The following CCDC7 variants were observed in gnomAD, a reference collection of about 807,000 sequenced individuals.
The protein encoded by CCDC7 is coiled-coil domain containing 7.
In CCDC7, 183 loss-of-function variants were observed where a neutral mutation model predicts 196.9. The observed-to-expected ratio is 0.93, with a 90% CI of 0.82 to 1.05. The LOEUF (loss-of-function observed/expected upper bound fraction) is 1.05. Ranked by LOEUF, CCDC7 falls within the 50% of genes least tolerant of loss-of-function variation. The pLI is 0.00. For synonymous variants in CCDC7, 525 were observed against 484.6 expected, an observed-to-expected ratio of 1.08 and a Z score of -1.10; for missense variants, 1,540 against 1,482.2, an observed-to-expected ratio of 1.04 and a Z score of -0.64.
chr10:32,621,878 G>T (rs1984071), intron 18 of CCDC7, among the ~76,000 whole-genome samples: 16,004 of 152,196 alleles, frequency 0.11, 1,042 homozygotes, highest in South Asian at 0.25. Context: ...TACTGATTCA[G>T]ATGCTTATAT....
At chr10:32,483,372 T>A (rs1453417622) in intron 8 of CCDC7, among the ~76,000 whole-genome samples, 3 of 152,168 alleles carry the variant, frequency 2.0e-5, no homozygotes, top group Non-Finnish European at 4.4e-5. Context: ...TTTGTTTGAG[T>A]TCATTGTAGA....
At position 32,478,269 on chromosome 10, in the gene CCDC7, AACAG is replaced by A. The variant is rs755159423; in HGVS notation, c.796+4251_796+4254del. Among the ~76,000 whole-genome samples, 3 of 152,300 alleles carry A rather than the reference AACAG, an allele frequency of 2.0e-5. No homozygotes were observed. In the East Asian group the frequency reaches 5.8e-4, roughly 29 times the overall value. On this transcript the variant is annotated intron_variant, in intron 8 of 41. Coordinates refer to ENST00000639629, the Ensembl canonical transcript of CCDC7. Reference sequence around the variant, plus strand: ...TTCTATAGAGACAGTCACATTATCTAACAGACAGTGTTACTTCTTCCTTCTGATT... The same window carrying A: ...TTCTATAGAGACAGTCACATTATCTAACAGTGTTACTTCTTCCTTCTGATT...
At chr10:32,845,196 T>C in intron 33 of CCDC7, 47 bp from the exon 35 acceptor site, 1 of 1,193,046 alleles carries the variant, frequency 8.4e-7, no homozygotes, top group Non-Finnish European at 1.2e-6. Context: ...TCAGATTTGG[T>C]AATGTTTACC....
intron 28 of CCDC7, among the ~76,000 whole-genome samples, chr10:32,739,487 C>T (rs1397636489): frequency 1.3e-5 from 2 of 151,814 alleles, no homozygotes; most frequent in African/African-American, 2.4e-5. Context: ...CTTAGTTTTT[C>T]TAGCTTCCTG....
At chr10:32,451,576 T>C, upstream of CCDC7, 1 of 1,515,586 alleles carries the variant, frequency 6.6e-7, no homozygotes, top group Non-Finnish European at 8.8e-7. Flanking sequence ...TCTGAATCTC[T>C]TATTTTTTTT....
chr10:32,594,764 T>G (rs985973552), intron 18 of CCDC7, among the ~76,000 whole-genome samples: 8 of 152,322 alleles, frequency 5.3e-5, no homozygotes, highest in Middle Eastern at 3.4e-3. Flanking sequence ...CATGAAGCGC[T>G]GTTGAATTTT....
At chr10:32,811,942 C>G (rs1282003015) in intron 30 of CCDC7, among the ~76,000 whole-genome samples, 1 of 151,898 alleles carries the variant, frequency 6.6e-6, no homozygotes, top group African/African-American at 2.4e-5. Flanking sequence ...CAAGGTAGAT[C>G]AACAGAAAGA....
At chr10:32,836,866 G>A (rs1474668262) in intron 33 of CCDC7, among the ~76,000 whole-genome samples, 1 of 152,056 alleles carries the variant, frequency 6.6e-6, no homozygotes, top group African/African-American at 2.4e-5. Context: ...AAACTGGCTA[G>A]CCATATGTAG....
Position 32,583,366 on chromosome 10 carries a change from A to C in CCDC7, c.1728+59A>C, listed in dbSNP as rs192702335. ...TTTCATATTGCTCCTTCAATAAATA[A>C]ATGCTAACCCATTTAAATGGGTTAA... is the stretch of plus-strand genomic sequence containing the variant. On this transcript the variant is annotated intron_variant, in intron 17 of 41. Transcript: ENST00000639629. 393 of 1,094,506 alleles carry C rather than the reference A, an allele frequency of 3.6e-4. 1 individual carries two copies. In the African/African-American group the frequency reaches 5.9e-3, roughly 16 times the overall value. The allele number at this position is 1,094,506 out of a possible 1,614,324, so 67.8% of individuals were successfully genotyped here. A position where few individuals can be genotyped will look rare whatever the true frequency, so the allele number is the denominator to read the frequency against.
intron 13 of CCDC7, among the ~76,000 whole-genome samples, chr10:32,563,186 G>C (rs1384817499): frequency 6.6e-6 from 1 of 151,932 alleles, no homozygotes; most frequent in Admixed American, 6.6e-5. Context: ...CATGCTCATG[G>C]GTAGGAAGAA....
At chr10:32,766,873 C>G (rs976116088) in intron 28 of CCDC7, among the ~76,000 whole-genome samples, 4 of 152,092 alleles carry the variant, frequency 2.6e-5, no homozygotes, top group Non-Finnish European at 2.9e-5. Flanking sequence ...TTCAGTACCC[C>G]TTTCAGCAAT....
At chr10:32,760,381 G>T (rs1467278119) in intron 28 of CCDC7, among the ~76,000 whole-genome samples, 1 of 151,978 alleles carries the variant, frequency 6.6e-6, no homozygotes, top group Non-Finnish European at 1.5e-5. Flanking sequence ...TTAAGAAAAT[G>T]TGGCACATAT....
At chr10:32,655,772 C>T (rs564384940) in intron 20 of CCDC7, among the ~76,000 whole-genome samples, 2 of 152,138 alleles carry the variant, frequency 1.3e-5, no homozygotes, top group Non-Finnish European at 2.9e-5. Flanking sequence ...GTCTCAAACT[C>T]CTGATCTCAA....
At position 32,528,732 on chromosome 10, in the gene CCDC7, G is replaced by A. The variant is rs554405404; in HGVS notation, c.993+10227G>A. Reference sequence around the variant, plus strand: ...TATATATACATATATACGTATTTACGTATATATGTATATATACATATATAC... The same window carrying A: ...TATATATACATATATACGTATTTACATATATATGTATATATACATATATAC... On this transcript the variant is annotated intron_variant, in intron 11 of 41. Transcript: ENST00000639629. Among the ~76,000 whole-genome samples the A allele has an allele frequency of 3.8e-3, 518 of 136,958 alleles. 4 individuals are homozygous for A. Among genetic ancestry groups the A allele is most frequent in the African/African-American group, 0.013 (477 of 36,554 alleles). The allele number at this position is 136,958 out of a possible 152,430, so 89.8% of individuals were successfully genotyped here. A position where few individuals can be genotyped will look rare whatever the true frequency, so the allele number is the denominator to read the frequency against.
exon 29 of CCDC7, chr10:32,779,082 T>A (rs1462218812): frequency 6.5e-7 from 1 of 1,536,504 alleles, no homozygotes; most frequent in Non-Finnish European, 8.8e-7. Context: ...AACAAAGTGG[T>A]CGGTAAGTAT....
chr10:32,443,896 A>C (rs536358279), upstream of CCDC7, among the ~76,000 whole-genome samples: 109 of 152,332 alleles, frequency 7.2e-4, no homozygotes, highest in African/African-American at 2.5e-3. Flanking sequence ...CATAGACTTA[A>C]AAAGTTGACA....
At chr10:32,475,498 T>C (rs1588952920) in intron 8 of CCDC7, among the ~76,000 whole-genome samples, 1 of 152,210 alleles carries the variant, frequency 6.6e-6, no homozygotes, top group African/African-American at 2.4e-5. Flanking sequence ...CTTCCAATCA[T>C]AAAACCACAT....
At chr10:32,672,672 C>T (rs1375455639) in intron 21 of CCDC7, among the ~76,000 whole-genome samples, 1 of 152,122 alleles carries the variant, frequency 6.6e-6, no homozygotes, top group African/African-American at 2.4e-5. Context: ...CGTTGGGAAC[C>T]ATGGTGGTTC....
intron 18 of CCDC7, among the ~76,000 whole-genome samples, chr10:32,601,817 C>T (rs2061048231): frequency 6.6e-6 from 1 of 151,938 alleles, no homozygotes; most frequent in South Asian, 2.1e-4. Flanking sequence ...AAAAACACAC[C>T]AATCAGCGCT....
Sources: allele counts gnomAD v4.1 joint callset (sites outside exome capture counted in the v4.1 genomes callset), GRCh38; gene constraint gnomAD v4.1.1; transcripts MANE v1.5; gene names NCBI Gene and HGNC (gene_info 2026-07-23, HGNC 2026-07-21).